BABAM2: variants seen among roughly 807,000 people sequenced by gnomAD.
BABAM2 encodes BRISC and BRCA1 A complex member 2.
BABAM2 carries 31 observed loss-of-function variants against 54.7 expected under a neutral mutation model. The observed-to-expected ratio is 0.57, with a 90% CI of 0.43 to 0.77. BABAM2 has a LOEUF of 0.77. BABAM2 is among the 30% of genes least tolerant of loss of function. BABAM2 has a pLI of 0.00. For missense variants in BABAM2, 364 were observed against 455.8 expected, an observed-to-expected ratio of 0.80 and a Z score of 1.83; for synonymous variants, 167 against 162.9, an observed-to-expected ratio of 1.03 and a Z score of -0.19.
intron 1 of BABAM2, among the ~76,000 whole-genome samples, chr2:27,893,491 A>AG (rs1665027598): frequency 6.6e-6 from 1 of 152,066 alleles, no homozygotes; most frequent in Admixed American, 6.5e-5. Flanking sequence ...AATTCTGGGG[A>AG]GGGGGCACAT....
chr2:28,103,528 C>A (rs191709286), intron 6 of BABAM2, among the ~76,000 whole-genome samples: 11 of 152,082 alleles, frequency 7.2e-5, no homozygotes, highest in Non-Finnish European at 1.0e-4. Flanking sequence ...AGGCTGGCCT[C>A]GAACTCCAGG....
At chr2:27,951,555 A>G (rs1003479076) in intron 3 of BABAM2, among the ~76,000 whole-genome samples, 4 of 152,142 alleles carry the variant, frequency 2.6e-5, no homozygotes, top group African/African-American at 9.7e-5. Context: ...ATTTTAGTAC[A>G]TGTTCAATGT....
At chr2:28,094,091 C>T (rs1666391066) in intron 6 of BABAM2, among the ~76,000 whole-genome samples, 1 of 152,032 alleles carries the variant, frequency 6.6e-6, no homozygotes, top group Non-Finnish European at 1.5e-5. Context: ...ACTGACCCTT[C>T]CCCAAATTTA....
chr2:28,299,421 A>G (rs995012123), intron 11 of BABAM2, among the ~76,000 whole-genome samples: 1 of 152,236 alleles, frequency 6.6e-6, no homozygotes, highest in Non-Finnish European at 1.5e-5. Flanking sequence ...GATCAAAATC[A>G]TAGTTTCCAA....
chr2:27,978,230 C>T (rs1221275124), intron 3 of BABAM2, among the ~76,000 whole-genome samples: 2 of 152,012 alleles, frequency 1.3e-5, no homozygotes, highest in African/African-American at 2.4e-5. Flanking sequence ...TTTAAAAGAG[C>T]GTGGCACCTC....
chr2:28,214,051 A>G (rs1488251778), intron 7 of BABAM2, among the ~76,000 whole-genome samples: 2 of 152,072 alleles, frequency 1.3e-5, no homozygotes, highest in South Asian at 4.1e-4. Context: ...CATTGGTGAT[A>G]TTTTATATGG....
chr2:28,146,563 A>G (rs1216825516), intron 7 of BABAM2, among the ~76,000 whole-genome samples: 2 of 152,232 alleles, frequency 1.3e-5, no homozygotes, highest in African/African-American at 4.8e-5. Flanking sequence ...AACCATGAAC[A>G]TGAATCACAG....
intron 5 of BABAM2, among the ~76,000 whole-genome samples, chr2:28,030,568 A>G (rs748992828): frequency 6.6e-6 from 1 of 152,204 alleles, no homozygotes; most frequent in Non-Finnish European, 1.5e-5. Flanking sequence ...TGAACAAATT[A>G]GAGCTTGGCA....
Position 27,930,840 on chromosome 2 carries a change from G to A in BABAM2, c.205+932G>A, listed in dbSNP as rs138309243. 6.3e-3 allele frequency among the ~76,000 whole-genome samples: 960 copies of A among 152,330 alleles called. 6 individuals are homozygous for A. The highest frequency in any genetic ancestry group is 7.8e-3 in the Non-Finnish European group (533 of 68,020). On this transcript the variant is annotated intron_variant, in intron 3 of 11. Coordinates refer to ENST00000379624, the MANE Select transcript of BABAM2 (RefSeq NM_199191.3). ...CAGTGGCTTTGGTTGGTTAGTGTTG[G>A]TAATCTCACCAGGAATTTTCTCTCT... is the stretch of plus-strand genomic sequence containing the variant.
At chr2:28,129,006 C>T (rs1160287709) in intron 6 of BABAM2, among the ~76,000 whole-genome samples, 1 of 152,152 alleles carries the variant, frequency 6.6e-6, no homozygotes, top group Non-Finnish European at 1.5e-5. Flanking sequence ...AGGTTCACTA[C>T]CCGCCCCCTA....
At chr2:28,287,390 C>G in intron 10 of BABAM2, among the ~76,000 whole-genome samples, 1 of 152,174 alleles carries the variant, frequency 6.6e-6, no homozygotes, top group Non-Finnish European at 1.5e-5. Flanking sequence ...TTATGGTGTT[C>G]TCTCTTGCTC....
rs1402310154 is a variant in BABAM2, at chr2:28,252,141, G to A, written c.934+7279G>A. 4.0e-5 allele frequency among the ~76,000 whole-genome samples: 6 copies of A among 151,252 alleles called. No individual in the cohort carries two copies. In the South Asian group the frequency reaches 8.4e-4, roughly 21 times the overall value. On this transcript the variant is annotated intron_variant, in intron 10 of 11. Coordinates refer to ENST00000379624, the MANE Select transcript of BABAM2 (RefSeq NM_199191.3). ...GTGGAGGTTGCAGTGAGCCGAGAACGTGCCGTTGCACTCCACCCTGGGCAA... is the reference window on the plus strand; with the variant it reads ...GTGGAGGTTGCAGTGAGCCGAGAACATGCCGTTGCACTCCACCCTGGGCAA...
In BABAM2 at chr2:28,045,717, T is replaced by C. The variant is rs1221184702; in HGVS notation, c.496-8T>C. Reference sequence around the variant, plus strand: ...TTTAATCTTATTATTATAACTTTCTTTTTACAGACTGGTGAATTTTCAGCT... The same window carrying C: ...TTTAATCTTATTATTATAACTTTCTCTTTACAGACTGGTGAATTTTCAGCT... On this transcript the variant is annotated splice_polypyrimidine_tract_variant and splice_region_variant and intron_variant, in intron 5 of 11. Transcript: ENST00000379624. 2 of 1,607,314 alleles carry C rather than the reference T, an allele frequency of 1.2e-6. No homozygotes were observed. Among genetic ancestry groups the C allele is most frequent in the Non-Finnish European group, 1.7e-6 (2 of 1,175,514 alleles).
intron 11 of BABAM2, among the ~76,000 whole-genome samples, 167 bp from the exon 12 acceptor site, chr2:28,338,283 C>T (rs186753020): frequency 2.6e-5 from 4 of 152,336 alleles, no homozygotes; most frequent in Non-Finnish European, 2.9e-5. Flanking sequence ...TGCATCTCCT[C>T]GGAAAAATCC....
At chr2:27,889,736 C>T (rs756980785), upstream of BABAM2, among the ~76,000 whole-genome samples, 5 of 152,326 alleles carry the variant, frequency 3.3e-5, no homozygotes, top group Middle Eastern at 3.4e-3. Context: ...CGACAATCAA[C>T]ATGGTGAAAG....
intron 4 of BABAM2, among the ~76,000 whole-genome samples, chr2:28,019,085 G>A (rs1211427478): frequency 6.6e-6 from 1 of 151,988 alleles, no homozygotes; most frequent in Non-Finnish European, 1.5e-5. Context: ...CCACTTATGA[G>A]TGAGAGCATG....
chr2:28,176,841 CAA>C (rs370551860), intron 7 of BABAM2, among the ~76,000 whole-genome samples: 6 of 49,372 alleles, frequency 1.2e-4, no homozygotes, highest in Non-Finnish European at 2.0e-4. Context: ...CCAGTCAGAA[CAA>C]AAAAAAAAAA....
chr2:28,306,995 C>CCTT (rs1688596232), intron 11 of BABAM2, among the ~76,000 whole-genome samples: 1 of 26,358 alleles, frequency 3.8e-5, no homozygotes, highest in Non-Finnish European at 7.2e-5. Context: ...CACACCTGGC[C>CCTT]TTTTTTTTTT....
At chr2:28,138,182 A>G (rs1253764575) in intron 7 of BABAM2, among the ~76,000 whole-genome samples, 1 of 152,194 alleles carries the variant, frequency 6.6e-6, no homozygotes, top group African/African-American at 2.4e-5. Context: ...AAAAACATTG[A>G]GCAAAGAAAT....
Sources: gnomAD v4.1 joint callset for allele counts (sites outside exome capture counted in the v4.1 genomes callset) on GRCh38, gnomAD v4.1.1 for gene constraint, MANE v1.5 for transcripts, NCBI Gene and HGNC (gene_info 2026-07-23, HGNC 2026-07-21) for gene names.